Variants in DDHD1 observed in about 807,000 individuals in gnomAD.
DDHD1 encodes phospholipase DDHD1.
DDHD1 carries 49 observed loss-of-function variants against 96.4 expected under a neutral mutation model. That is an observed-to-expected ratio of 0.51 (90% CI 0.40 to 0.64). The LOEUF (loss-of-function observed/expected upper bound fraction) is 0.64, where lower values mean the gene tolerates loss of function less well. Among genes scored for constraint, DDHD1 ranks in the 30% least tolerant of loss-of-function variants. The pLI is 0.00. For synonymous variants in DDHD1, 442 were observed against 446.5 expected (o/e 0.99, Z 0.13); for missense variants, 1,106 against 1,161.2 (o/e 0.95, Z 0.69).
In DDHD1 at chr14:53,036,766, T is replaced by C. The variant is rs1422311264; in HGVS notation, c.*10002A>G. 1 of 152,080 alleles carries C rather than the reference T, an allele frequency of 6.6e-6. No individual in the cohort carries two copies. Among genetic ancestry groups the C allele is most frequent in the Non-Finnish European group, 1.5e-5 (1 of 68,012 alleles). The allele number at this position is 152,080 out of a possible 1,614,324, so 9.4% of individuals were successfully genotyped here. ...TATTGAGAAACATATTGCTTTTGTG[T>C]TTTTTAATAAAAAATATTTCAACTT... On this transcript the variant is annotated 3_prime_UTR_variant, in exon 13 of 13. Transcript: ENST00000673822.
intron 1 of DDHD1, among the ~76,000 whole-genome samples, chr14:53,132,823 G>C (rs2139845518): frequency 6.6e-6 from 1 of 152,262 alleles, no homozygotes; most frequent in Middle Eastern, 3.4e-3. Flanking sequence ...AGTGCTCAGG[G>C]CAACGCTTCT....
At chr14:53,113,181 G>A (rs1040551834) in intron 1 of DDHD1, among the ~76,000 whole-genome samples, 7 of 151,290 alleles carry the variant, frequency 4.6e-5, no homozygotes, top group African/African-American at 1.7e-4. Context: ...TAGCCAGGCT[G>A]GTCTCAAAAC....
chr14:53,062,474 T>A (rs1035419512), intron 7 of DDHD1, among the ~76,000 whole-genome samples: 30 of 152,142 alleles, frequency 2.0e-4, no homozygotes, highest in African/African-American at 7.2e-4. Context: ...TAAAATCTTA[T>A]AATTATATAA....
At chr14:53,047,307 C>T (rs996897635) in intron 12 of DDHD1, among the ~76,000 whole-genome samples, 1 of 152,164 alleles carries the variant, frequency 6.6e-6, no homozygotes, top group Non-Finnish European at 1.5e-5. Context: ...GGAAAACACC[C>T]CTCTTGAAGA....
chr14:53,120,888 G>A (rs545501090), intron 1 of DDHD1, among the ~76,000 whole-genome samples: 8 of 152,226 alleles, frequency 5.3e-5, no homozygotes, highest in African/African-American at 1.9e-4. Flanking sequence ...CATAGGCATG[G>A]ACAAAGACTT....
intron 3 of DDHD1, 39 bp from the exon 4 acceptor site, chr14:53,091,971 T>A: frequency 1.3e-6 from 2 of 1,549,748 alleles, no homozygotes; most frequent in Non-Finnish European, 1.8e-6. Flanking sequence ...CTATTTAATC[T>A]GAGAAATAGC....
At chr14:53,075,028 C>T (rs1447064296) in intron 4 of DDHD1, among the ~76,000 whole-genome samples, 1 of 152,158 alleles carries the variant, frequency 6.6e-6, no homozygotes, top group Non-Finnish European at 1.5e-5. Flanking sequence ...TATTCCCCAA[C>T]CTTTCTCCTG....
intron 1 of DDHD1, 87 bp downstream of exon 1, chr14:53,152,174 C>G (rs1420381160): frequency 1.5e-6 from 2 of 1,353,176 alleles, no homozygotes; most frequent in South Asian, 1.5e-5. Flanking sequence ...CCTCCCTCTT[C>G]GCGGCGACCA....
chr14:53,091,439 T>A (rs1028672953), intron 4 of DDHD1, among the ~76,000 whole-genome samples: 5 of 152,232 alleles, frequency 3.3e-5, no homozygotes, highest in Non-Finnish European at 5.9e-5. Flanking sequence ...AGCTTTGCAG[T>A]ATTCTTAGTT....
rs539071638 is a variant in DDHD1 at position 53,153,116 on chromosome 14, G to A, written c.-18C>T. Reference sequence around the variant, plus strand: ...TAATTCATGCTGTGGAGACGCCGCCGGCTGTCCGGCGGCGCGCGGAGCCGT... The same window carrying A: ...TAATTCATGCTGTGGAGACGCCGCCAGCTGTCCGGCGGCGCGCGGAGCCGT... On this transcript the variant is annotated 5_prime_UTR_variant, in exon 1 of 13. Transcript: ENST00000673822. 5 of 1,376,282 alleles carry A rather than the reference G, an allele frequency of 3.6e-6. No individual in the cohort carries two copies. The highest frequency in any genetic ancestry group is 3.1e-5 in the African/African-American group (2 of 64,988). 85.3% of individuals were successfully genotyped at this position (1,376,282 alleles called of 1,614,324 possible).
chr14:53,052,329 C>G (rs1294405899), intron 11 of DDHD1, among the ~76,000 whole-genome samples: 1 of 152,026 alleles, frequency 6.6e-6, no homozygotes, highest in African/African-American at 2.4e-5. Flanking sequence ...ACTAGTTCTT[C>G]ACATAAAGAA....
Position 53,063,202 on chromosome 14 carries a change from C to T in DDHD1, c.1507G>A (p.Val503Ile), listed in dbSNP as rs747451855. 3.7e-6 allele frequency: 6 copies of T among 1,612,286 alleles called. No individual in the cohort carries two copies. The highest frequency in any genetic ancestry group is 5.1e-6 in the Non-Finnish European group (6 of 1,179,470). Reference sequence around the variant, plus strand: ...TTCAGCTCTTGCTGAAGGCCTTTAACTAGCTGTTTGAAATAAGAAAACATT... The same window carrying T: ...TTCAGCTCTTGCTGAAGGCCTTTAATTAGCTGTTTGAAATAAGAAAACATT... ...YTSPLYRDEL[V>I]KGLQQELNRL... Residue 503 changes from valine to isoleucine, a missense_variant, in exon 7 of 13, where the codon GTT becomes ATT. Coordinates refer to ENST00000673822, the MANE Select transcript of DDHD1 (RefSeq NM_001160148.2).
intron 4 of DDHD1, among the ~76,000 whole-genome samples, chr14:53,074,919 A>G (rs1884825170): frequency 6.6e-6 from 1 of 152,032 alleles, no homozygotes; most frequent in South Asian, 2.1e-4. Flanking sequence ...CAATATTTCA[A>G]ATTTTCTCAT....
intron 4 of DDHD1, among the ~76,000 whole-genome samples, chr14:53,078,034 T>C (rs1210724897): frequency 6.6e-6 from 1 of 152,220 alleles, no homozygotes; most frequent in Non-Finnish European, 1.5e-5. Flanking sequence ...CATCAGTTGA[T>C]GGATGTTTGT....
chr14:53,037,595 T>G lies in DDHD1; in HGVS notation c.*9173A>C, dbSNP rs1438274095. 2 of 152,146 alleles carry G rather than the reference T, an allele frequency of 1.3e-5. No homozygotes were observed. Among genetic ancestry groups the G allele is most frequent in the Non-Finnish European group, 2.9e-5 (2 of 68,028 alleles). 9.4% of individuals were successfully genotyped at this position (152,146 alleles called of 1,614,324 possible). A position where few individuals can be genotyped will look rare whatever the true frequency, so the allele number is the denominator to read the frequency against. On this transcript the variant is annotated 3_prime_UTR_variant, in exon 13 of 13. Coordinates refer to ENST00000673822, the MANE Select transcript of DDHD1 (RefSeq NM_001160148.2). ...TTCACCCATTTTTTAATGGGGTTGTTTTTTGCTTGTTAAGTTCCTTATTGA... is the reference window on the plus strand; with the variant it reads ...TTCACCCATTTTTTAATGGGGTTGTGTTTTGCTTGTTAAGTTCCTTATTGA...
intron 6 of DDHD1, among the ~76,000 whole-genome samples, chr14:53,063,580 C>A (rs544164350): frequency 2.0e-5 from 3 of 151,262 alleles, no homozygotes; most frequent in Non-Finnish European, 4.4e-5. Flanking sequence ...ACATGCAATT[C>A]TAAATTTTTG....
chr14:53,067,033 G>C (rs1344408937), intron 6 of DDHD1, among the ~76,000 whole-genome samples: 1 of 151,414 alleles, frequency 6.6e-6, no homozygotes, highest in African/African-American at 2.4e-5. Flanking sequence ...GCCTTAAGCA[G>C]TGTTTTCCCA....
At chr14:53,102,666 AG>A (rs1377000807) in intron 2 of DDHD1, among the ~76,000 whole-genome samples, 4 of 152,036 alleles carry the variant, frequency 2.6e-5, no homozygotes, top group African/African-American at 9.7e-5. Context: ...GAGGTAAGAG[AG>A]AGCAAAGAGT....
At chr14:53,082,442 C>T (rs949808127) in intron 4 of DDHD1, among the ~76,000 whole-genome samples, 6 of 121,900 alleles carry the variant, frequency 4.9e-5, no homozygotes, top group Admixed American at 4.3e-4. Flanking sequence ...TCCAAGATAC[C>T]TTTTTTTTTT....
Sources: gnomAD v4.1 joint callset for allele counts (sites outside exome capture counted in the v4.1 genomes callset) on GRCh38, gnomAD v4.1.1 for gene constraint, MANE v1.5 for transcripts, NCBI Gene and HGNC (gene_info 2026-07-23, HGNC 2026-07-21) for gene names.